The following SPMIP7 variants were observed in gnomAD, a reference collection of about 807,000 sequenced individuals.
SPMIP7 encodes the protein protein SPMIP7.
the SPMIP7 span, among the ~76,000 whole-genome samples, chr7:50,131,176 T>C: frequency 6.6e-6 from 1 of 151,832 alleles, no homozygotes; most frequent in South Asian, 2.1e-4. Flanking sequence ...TGGGGGAGAG[T>C]GCTGGCAGAA....
chr7:50,133,235 TTG>T, the SPMIP7 span, among the ~76,000 whole-genome samples: 76,562 of 150,358 alleles, frequency 0.51, 20,071 homozygotes, highest in East Asian at 0.71. Context: ...GTGTGTGTGT[TTG>T]TGTGTGTGTG....
At chr7:50,126,008 T>C in the SPMIP7 span, among the ~76,000 whole-genome samples, 2 of 152,094 alleles carry the variant, frequency 1.3e-5, no homozygotes, top group African/African-American at 4.8e-5. Context: ...ATGATAACAA[T>C]GGGTGATGAC....
the SPMIP7 span, among the ~76,000 whole-genome samples, chr7:50,133,880 G>A: frequency 1.3e-5 from 2 of 152,014 alleles, no homozygotes; most frequent in Non-Finnish European, 2.9e-5. Flanking sequence ...TTTACTACAT[G>A]TGCCAATCTC....
chr7:50,154,867 C>T, the SPMIP7 span, among the ~76,000 whole-genome samples: 2 of 152,316 alleles, frequency 1.3e-5, no homozygotes, highest in African/African-American at 4.8e-5. Context: ...CTTATTATCT[C>T]TTGTCTTTTT....
At chr7:50,112,463 A>G in the SPMIP7 span, among the ~76,000 whole-genome samples, 1 of 152,156 alleles carries the variant, frequency 6.6e-6, no homozygotes, top group Non-Finnish European at 1.5e-5. Context: ...CACCCTTCCC[A>G]GGTGAAAAGC....
the SPMIP7 span, among the ~76,000 whole-genome samples, chr7:50,118,388 TG>T: frequency 6.6e-6 from 1 of 152,198 alleles, no homozygotes; most frequent in Non-Finnish European, 1.5e-5. Flanking sequence ...ATTGATAAAA[TG>T]GTTCATAACC....
the SPMIP7 span, among the ~76,000 whole-genome samples, chr7:50,104,009 T>G: frequency 1.3e-5 from 2 of 152,166 alleles, no homozygotes; most frequent in Admixed American, 6.6e-5. Context: ...ACCAGACCCC[T>G]CTTGTGTCAT....
At chr7:50,145,284 G>T in the SPMIP7 span, among the ~76,000 whole-genome samples, 2 of 150,934 alleles carry the variant, frequency 1.3e-5, no homozygotes, top group Admixed American at 6.6e-5. Context: ...AAAGAATCCT[G>T]TTTTTCAAAT....
At chr7:50,136,911 T>G in the SPMIP7 span, among the ~76,000 whole-genome samples, 1 of 152,180 alleles carries the variant, frequency 6.6e-6, no homozygotes, top group African/African-American at 2.4e-5. Context: ...TATGACATAG[T>G]CTGTGTGTAT....
chr7:50,141,466 G>A, the SPMIP7 span: 14 of 924,034 alleles, frequency 1.5e-5, no homozygotes, highest in Non-Finnish European at 2.2e-5. Context: ...CATAAATGAA[G>A]GAATTTAAAC....
chr7:50,115,708 T>C, the SPMIP7 span, among the ~76,000 whole-genome samples: 5 of 152,302 alleles, frequency 3.3e-5, no homozygotes, highest in East Asian at 9.6e-4. Context: ...GGTATGTAAG[T>C]TTTGCTTAAC....
the SPMIP7 span, chr7:50,134,251 G>T: frequency 6.5e-7 from 1 of 1,531,020 alleles, no homozygotes; most frequent in Admixed American, 2.2e-5. Flanking sequence ...ACTCAGGTCA[G>T]CAGACTTCTC....
chr7:50,157,047 G>A, the SPMIP7 span, among the ~76,000 whole-genome samples: 1 of 152,108 alleles, frequency 6.6e-6, no homozygotes, highest in African/African-American at 2.4e-5. Flanking sequence ...CACTGGAAGG[G>A]GGACAAGAGA....
chr7:50,143,747 C>A, the SPMIP7 span, among the ~76,000 whole-genome samples: 2 of 152,248 alleles, frequency 1.3e-5, no homozygotes, highest in South Asian at 4.1e-4. Flanking sequence ...GACAATATAA[C>A]CAAACTCTTA....
At chr7:50,115,685 T>C in the SPMIP7 span, among the ~76,000 whole-genome samples, 1 of 152,150 alleles carries the variant, frequency 6.6e-6, no homozygotes, top group African/African-American at 2.4e-5. Context: ...CATTATAAAG[T>C]TAGGTTTATT....
chr7:50,111,423 T>A, the SPMIP7 span, among the ~76,000 whole-genome samples: 1 of 152,124 alleles, frequency 6.6e-6, no homozygotes, highest in East Asian at 1.9e-4. Context: ...ATCTGGCCAA[T>A]GCCACCCTAA....
the SPMIP7 span, chr7:50,140,264 T>G: frequency 5.3e-6 from 4 of 758,212 alleles, no homozygotes; most frequent in Non-Finnish European, 8.2e-6. Flanking sequence ...CATGTTGTAT[T>G]CACTTTTTAA....
chr7:50,120,258 G>A, the SPMIP7 span: 4 of 152,150 alleles, frequency 2.6e-5, no homozygotes, highest in African/African-American at 7.2e-5. Context: ...AGTTTCTAAC[G>A]AGGTTCCTGG....
At chr7:50,123,740 G>A in the SPMIP7 span, among the ~76,000 whole-genome samples, 3 of 151,894 alleles carry the variant, frequency 2.0e-5, no homozygotes, top group East Asian at 5.8e-4. Context: ...AGAGTCAATT[G>A]ATGGCTTAAG....
Sources: gnomAD v4.1 joint callset for allele counts (sites outside exome capture counted in the v4.1 genomes callset) on GRCh38, gnomAD v4.1.1 for gene constraint, MANE v1.5 for transcripts, NCBI Gene and HGNC (gene_info 2026-07-23, HGNC 2026-07-21) for gene names.